Variants in ABCD2 observed in about 807,000 individuals in gnomAD.
ABCD2 encodes the protein ATP-binding cassette sub-family D member 2.
A neutral mutation model predicts 70.9 loss-of-function variants in ABCD2; 36 were observed. That is an observed-to-expected ratio of 0.51 (90% CI 0.39 to 0.67). The LOEUF (loss-of-function observed/expected upper bound fraction) is 0.67. ABCD2 is among the 30% of genes least tolerant of loss of function. ABCD2 has a pLI of 0.00. For synonymous variants in ABCD2, 304 were observed against 306.9 expected (o/e 0.99, Z 0.10); for missense variants, 729 against 890.2 (o/e 0.82, Z 2.30).
At chr12:39,557,761 G>A (rs11172592) in intron 9 of ABCD2, among the ~76,000 whole-genome samples, 44,003 of 152,042 alleles carry the variant, frequency 0.29, 7,115 homozygotes, top group African/African-American at 0.43. Context: ...ACAAGCCCCA[G>A]TCCTTGGTGG....
chr12:39,549,606 A>G (rs1386589572), downstream of ABCD2, among the ~76,000 whole-genome samples: 1 of 151,938 alleles, frequency 6.6e-6, no homozygotes. Context: ...AAAAAAATAC[A>G]AAGTGTAACA....
Position 39,553,294 on chromosome 12 carries a change from C to T in ABCD2, c.*618G>A, listed in dbSNP as rs1941114168. On this transcript the variant is annotated 3_prime_UTR_variant, in exon 10 of 10. Transcript: ENST00000308666. ...CTAAAATTAATTTGTTATATGCCCT[C>T]ATTAAGATGCTTAAAGTCCAAAATT... 1 of 152,022 alleles carries T rather than the reference C, an allele frequency of 6.6e-6. No individual in the cohort carries two copies. Among genetic ancestry groups the T allele is most frequent in the Non-Finnish European group, 1.5e-5 (1 of 67,922 alleles). The allele number at this position is 152,022 out of a possible 1,614,324, so 9.4% of individuals were successfully genotyped here.
At chr12:39,532,983 C>T in the ABCD2 span, among the ~76,000 whole-genome samples, 1 of 151,738 alleles carries the variant, frequency 6.6e-6, no homozygotes, top group Non-Finnish European at 1.5e-5. Flanking sequence ...CGTGGCAAAT[C>T]CCCGTCTCTA....
At position 39,619,633 on chromosome 12, in the gene ABCD2, C is replaced by G. The variant is rs896399754; in HGVS notation, c.-18G>C. The G allele has an allele frequency of 6.3e-7, 1 of 1,588,670 alleles. No individual in the cohort carries two copies. Among genetic ancestry groups the G allele is most frequent in the Admixed American group, 1.8e-5 (1 of 56,444 alleles). ...TGTGTCATTTTCCCAGTTACCCAAACCGGCTTCCAAAAGAATTCGTTTTAA... is the reference window on the plus strand; with the variant it reads ...TGTGTCATTTTCCCAGTTACCCAAAGCGGCTTCCAAAAGAATTCGTTTTAA... On this transcript the variant is annotated 5_prime_UTR_variant, in exon 1 of 10. Transcript: ENST00000308666.
intron 7 of ABCD2, among the ~76,000 whole-genome samples, chr12:39,580,179 T>C (rs995781669): frequency 3.3e-5 from 5 of 152,202 alleles, no homozygotes; most frequent in Non-Finnish European, 7.3e-5. Flanking sequence ...AGGTTCGAGC[T>C]ATTTACCCTC....
intron 3 of ABCD2, among the ~76,000 whole-genome samples, chr12:39,605,445 C>T (rs1941956964): frequency 6.6e-6 from 1 of 152,114 alleles, no homozygotes; most frequent in African/African-American, 2.4e-5. Flanking sequence ...CAATGAAAAG[C>T]TTCAAATCCT....
intron 4 of ABCD2, among the ~76,000 whole-genome samples, chr12:39,604,389 T>C (rs955801575): frequency 2.0e-5 from 3 of 151,998 alleles, no homozygotes; most frequent in African/African-American, 7.2e-5. Flanking sequence ...AGACATAGAA[T>C]AATGCAATTT....
At chr12:39,571,190 T>C (rs1214915005) in intron 9 of ABCD2, among the ~76,000 whole-genome samples, 1 of 152,054 alleles carries the variant, frequency 6.6e-6, no homozygotes, top group Non-Finnish European at 1.5e-5. Flanking sequence ...AAAATAGAAC[T>C]ACAAAATGAT....
In ABCD2 at chr12:39,586,308, C is replaced by T. The variant is rs1591984053; in HGVS notation, c.1647-11G>A. ...AGAGACATATATGGCCTTTAAAACA[C>T]CAAGCACACAAGAATCCTAGTGGAA... is the stretch of plus-strand genomic sequence containing the variant. On this transcript the variant is annotated splice_polypyrimidine_tract_variant and intron_variant, in intron 6 of 9. Coordinates refer to ENST00000308666, the MANE Select transcript of ABCD2 (RefSeq NM_005164.4). The T allele has an allele frequency of 6.2e-7, 1 of 1,604,386 alleles. No homozygotes were observed. The highest frequency in any genetic ancestry group is 8.5e-7 in the Non-Finnish European group (1 of 1,176,270).
At chr12:39,562,668 T>C (rs1371374758) in intron 9 of ABCD2, among the ~76,000 whole-genome samples, 1 of 151,834 alleles carries the variant, frequency 6.6e-6, no homozygotes, top group Non-Finnish European at 1.5e-5. Context: ...AAATAACAAA[T>C]AAGGAAATGG....
At chr12:39,565,141 AG>A (rs1260543309) in intron 9 of ABCD2, among the ~76,000 whole-genome samples, 1 of 152,152 alleles carries the variant, frequency 6.6e-6, no homozygotes, top group Non-Finnish European at 1.5e-5. Context: ...TGAACTTTAA[AG>A]TAGTTTTTTC....
the ABCD2 span, among the ~76,000 whole-genome samples, chr12:39,542,390 G>C: frequency 2.5e-3 from 380 of 151,626 alleles, 2 homozygotes; most frequent in Non-Finnish European, 4.0e-3. Context: ...TTGAACCCGA[G>C]AGGTGGAGGT....
chr12:39,562,040 T>C (rs1035688482), intron 9 of ABCD2, among the ~76,000 whole-genome samples: 5 of 152,134 alleles, frequency 3.3e-5, no homozygotes, highest in African/African-American at 1.2e-4. Flanking sequence ...CAGGAAGAAC[T>C]TTGGAAACTT....
intron 8 of ABCD2, among the ~76,000 whole-genome samples, chr12:39,576,757 G>T (rs1450677407): frequency 6.6e-6 from 1 of 152,162 alleles, no homozygotes; most frequent in African/African-American, 2.4e-5. Context: ...GTCTAGAGGG[G>T]ACTGGATTGG....
At position 39,553,282 on chromosome 12, in the gene ABCD2, G is replaced by T. The variant is rs1421597676; in HGVS notation, c.*630C>A. On this transcript the variant is annotated 3_prime_UTR_variant, in exon 10 of 10. Transcript: ENST00000308666. ...TTAAGATTTGTACTAAAATTAATTT[G>T]TTATATGCCCTCATTAAGATGCTTA... is the stretch of plus-strand genomic sequence containing the variant. 1.3e-5 allele frequency: 2 copies of T among 152,000 alleles called. No homozygotes were observed. Among genetic ancestry groups the T allele is most frequent in the Admixed American group, 6.6e-5 (1 of 15,264 alleles). 9.4% of individuals were successfully genotyped at this position (152,000 alleles called of 1,614,324 possible).
intron 9 of ABCD2, among the ~76,000 whole-genome samples, chr12:39,568,531 A>G (rs962406482): frequency 2.0e-5 from 3 of 151,608 alleles, no homozygotes; most frequent in Non-Finnish European, 4.4e-5. Context: ...CATTCGTCTA[A>G]TTTTTTTTCA....
chr12:39,598,588 C>A (rs551203583), intron 6 of ABCD2, among the ~76,000 whole-genome samples: 6 of 151,888 alleles, frequency 4.0e-5, no homozygotes, highest in Admixed American at 6.6e-5. Context: ...TTAGTAGAGA[C>A]GGGGTTTCTC....
intron 8 of ABCD2, among the ~76,000 whole-genome samples, chr12:39,578,400 G>A (rs1941549835): frequency 6.6e-6 from 1 of 151,602 alleles, no homozygotes; most frequent in Non-Finnish European, 1.5e-5. Flanking sequence ...CGTGAACCCG[G>A]GAGGCGGAGC....
In ABCD2 at chr12:39,563,932, C is replaced by T. The variant is rs564557078; in HGVS notation, c.2003+9784G>A. On this transcript the variant is annotated intron_variant, in intron 9 of 9. Transcript: ENST00000308666. Reference sequence around the variant, plus strand: ...TGAGAATGATGGTTTCCAGCTTCATCCATGTCCTTACAAAAGACATGTACT... The same window carrying T: ...TGAGAATGATGGTTTCCAGCTTCATTCATGTCCTTACAAAAGACATGTACT... Among the ~76,000 whole-genome samples the T allele has an allele frequency of 2.0e-5, 3 of 152,256 alleles. No individual in the cohort carries two copies. In the East Asian group the frequency reaches 5.8e-4, roughly 29 times the overall value.
Sources: allele counts gnomAD v4.1 joint callset (sites outside exome capture counted in the v4.1 genomes callset), GRCh38; gene constraint gnomAD v4.1.1; transcripts MANE v1.5; gene names NCBI Gene and HGNC (gene_info 2026-07-23, HGNC 2026-07-21).